The following CELF2 variants were observed in gnomAD, a reference collection of about 807,000 sequenced individuals.
CELF2 encodes the protein CUG triplet repeat RNA-binding protein 2.
In CELF2, 8 loss-of-function variants were observed where a neutral mutation model predicts 62.6. That is an observed-to-expected ratio of 0.13 (90% confidence interval 0.07 to 0.23). CELF2 has a LOEUF of 0.23. Ranked by LOEUF, CELF2 falls within the 10% of genes least tolerant of loss-of-function variation. CELF2 has a pLI of 1.00. For synonymous variants in CELF2, 258 were observed against 250.0 expected (o/e 1.03, Z -0.30); for missense variants, 333 against 671.0 (o/e 0.50, Z 5.56).
the CELF2 span, among the ~76,000 whole-genome samples, chr10:10,740,031 C>T: frequency 6.6e-6 from 1 of 151,974 alleles, no homozygotes; most frequent in African/African-American, 2.4e-5. Flanking sequence ...TTATTAGATA[C>T]ATGGTTTGCA....
At chr10:10,648,801 C>T in the CELF2 span, among the ~76,000 whole-genome samples, 1 of 152,150 alleles carries the variant, frequency 6.6e-6, no homozygotes, top group Non-Finnish European at 1.5e-5. Context: ...TCATGATTAT[C>T]CCAAAATATT....
intron 2 of CELF2, among the ~76,000 whole-genome samples, chr10:10,979,442 C>T (rs960051016): frequency 7.2e-5 from 11 of 152,098 alleles, no homozygotes; most frequent in African/African-American, 1.7e-4. Context: ...AGGCCTAGGC[C>T]GGTGGATGGC....
At chr10:11,029,329 T>C (rs2059753539) in intron 1 of CELF2, among the ~76,000 whole-genome samples, 1 of 151,938 alleles carries the variant, frequency 6.6e-6, no homozygotes. Flanking sequence ...GTCTTTGGAG[T>C]GCTAAGAGAT....
intron 1 of CELF2, among the ~76,000 whole-genome samples, chr10:11,130,903 C>T (rs778295020): frequency 1.3e-5 from 2 of 152,246 alleles, no homozygotes; most frequent in South Asian, 2.1e-4. Context: ...CCAGTCCCTC[C>T]AAAGTTAGAG....
chr10:10,502,203 T>G, the CELF2 span, among the ~76,000 whole-genome samples: 1 of 140,126 alleles, frequency 7.1e-6, no homozygotes, highest in Non-Finnish European at 1.7e-5. Context: ...TCCTGAGGGA[T>G]ATTGATTTGC....
chr10:11,091,135 TTTGA>T (rs2048205581), intron 1 of CELF2, among the ~76,000 whole-genome samples: 1 of 152,210 alleles, frequency 6.6e-6, no homozygotes, highest in African/African-American at 2.4e-5. Flanking sequence ...GGTATGAATG[TTTGA>T]TTCTCCTTTT....
chr10:10,745,297 T>A, the CELF2 span, among the ~76,000 whole-genome samples: 1 of 152,172 alleles, frequency 6.6e-6, no homozygotes, highest in Non-Finnish European at 1.5e-5. Flanking sequence ...AGCTGCTGCT[T>A]CATCACCTTG....
chr10:10,954,962 G>A (rs917509475), intron 2 of CELF2, among the ~76,000 whole-genome samples: 27 of 152,114 alleles, frequency 1.8e-4, no homozygotes, highest in African/African-American at 6.3e-4. Context: ...ACAGTTCTTA[G>A]GTCAACTGCC....
intron 1 of CELF2, among the ~76,000 whole-genome samples, chr10:11,133,205 C>A (rs1308531016): frequency 1.3e-5 from 2 of 152,112 alleles, no homozygotes; most frequent in African/African-American, 4.8e-5. Context: ...ATCTTTGGAT[C>A]CACAAGGAAC....
chr10:10,745,138 A>C, the CELF2 span, among the ~76,000 whole-genome samples: 9,492 of 151,824 alleles, frequency 0.063, 403 homozygotes, highest in East Asian at 0.12. Flanking sequence ...CAAAACAAAA[A>C]AAAACTATGA....
At chr10:10,478,034 A>G in the CELF2 span, among the ~76,000 whole-genome samples, 1 of 152,184 alleles carries the variant, frequency 6.6e-6, no homozygotes, top group African/African-American at 2.4e-5. Flanking sequence ...GTCATTGACA[A>G]GCATCAGTTA....
At chr10:10,842,655 T>C (rs757492531) in intron 1 of CELF2, among the ~76,000 whole-genome samples, 1 of 152,058 alleles carries the variant, frequency 6.6e-6, no homozygotes, top group Non-Finnish European at 1.5e-5. Context: ...TTGGTCATAG[T>C]GTATAATTTT....
intron 1 of CELF2, among the ~76,000 whole-genome samples, chr10:10,915,691 T>A (rs1443258275): frequency 6.6e-6 from 1 of 152,208 alleles, no homozygotes; most frequent in African/African-American, 2.4e-5. Flanking sequence ...TACCTCAGCC[T>A]CCCAAAGTGC....
chr10:10,691,761 T>C, the CELF2 span, among the ~76,000 whole-genome samples: 85 of 147,678 alleles, frequency 5.8e-4, 1 homozygote, highest in Non-Finnish European at 9.6e-4. Flanking sequence ...TGGCCAGTGA[T>C]GATGAGCATT....
chr10:10,648,926 G>T, the CELF2 span, among the ~76,000 whole-genome samples: 1 of 152,104 alleles, frequency 6.6e-6, no homozygotes, highest in South Asian at 2.1e-4. Flanking sequence ...TGATGCTGTC[G>T]GCTATTACCC....
intron 1 of CELF2, among the ~76,000 whole-genome samples, chr10:11,024,260 G>T (rs1335359258): frequency 6.6e-6 from 1 of 152,174 alleles, no homozygotes; most frequent in Non-Finnish European, 1.5e-5. Context: ...GATTCCTCTA[G>T]TGCTTTAAAG....
chr10:10,534,196 G>A, the CELF2 span, among the ~76,000 whole-genome samples: 3 of 135,918 alleles, frequency 2.2e-5, no homozygotes, highest in East Asian at 4.4e-4. Flanking sequence ...AGCCAGATTC[G>A]AAGAGGTGAG....
At chr10:10,541,756 C>T in the CELF2 span, among the ~76,000 whole-genome samples, 9 of 152,196 alleles carry the variant, frequency 5.9e-5, no homozygotes, top group East Asian at 3.9e-4. Context: ...GGGTTTTGAC[C>T]GGTTTCTTTA....
chr10:10,696,877 C>T, the CELF2 span, among the ~76,000 whole-genome samples: 1 of 152,204 alleles, frequency 6.6e-6, no homozygotes, highest in Admixed American at 6.5e-5. Flanking sequence ...CCTATGCCCA[C>T]TGTCTGGCAC....
Sources: allele counts gnomAD v4.1 joint callset (sites outside exome capture counted in the v4.1 genomes callset), GRCh38; gene constraint gnomAD v4.1.1; transcripts MANE v1.5; gene names NCBI Gene and HGNC (gene_info 2026-07-23, HGNC 2026-07-21).